The following SLC25A18 variants were observed in gnomAD, a reference collection of about 807,000 sequenced individuals.
SLC25A18 encodes the protein solute carrier family 25 member 18.
In SLC25A18, 24 loss-of-function variants were observed where a neutral mutation model predicts 31.1. That is an observed-to-expected ratio of 0.77 (90% confidence interval 0.56 to 1.08). The LOEUF (loss-of-function observed/expected upper bound fraction) is 1.08, where lower values mean the gene tolerates loss of function less well. Ranked by LOEUF, SLC25A18 falls within the 50% of genes least tolerant of loss-of-function variation. The pLI, the probability that SLC25A18 is intolerant of heterozygous loss-of-function variation, is 0.00. For synonymous variants in SLC25A18, 173 were observed against 161.9 expected (o/e 1.07, Z -0.52); for missense variants, 371 against 418.5 (o/e 0.89, Z 0.99).
intron 7 of SLC25A18, 131 bp downstream of exon 7, chr22:17,583,665 C>T: frequency 7.8e-7 from 1 of 1,281,850 alleles, no homozygotes; most frequent in Non-Finnish European, 1.1e-6. Context: ...AGTTTTTGGC[C>T]AGGCATGGTG....
At chr22:17,569,012 C>CTT (rs954487377) in intron 1 of SLC25A18, among the ~76,000 whole-genome samples, 13 of 142,958 alleles carry the variant, frequency 9.1e-5, no homozygotes, top group African/African-American at 2.5e-4. Context: ...CTCTTCTTTA[C>CTT]TTTTTTTTTT....
intron 2 of SLC25A18, among the ~76,000 whole-genome samples, chr22:17,574,241 A>C (rs1049941441): frequency 2.0e-5 from 3 of 152,364 alleles, no homozygotes; most frequent in South Asian, 2.1e-4. Flanking sequence ...CCCCTGAAAA[A>C]AAGAAGTATT....
intron 1 of SLC25A18, among the ~76,000 whole-genome samples, chr22:17,564,702 C>T (rs1446018977): frequency 6.6e-6 from 1 of 151,756 alleles, no homozygotes; most frequent in African/African-American, 2.4e-5. Context: ...ACTAAAAATA[C>T]AAAAAATTAG....
At position 17,590,159 on chromosome 22, in the gene SLC25A18, A is replaced by G. The variant is rs1412130997; in HGVS notation, c.871A>G (p.Ile291Val). 1 of 1,614,256 alleles carries G rather than the reference A, an allele frequency of 6.2e-7. No homozygotes were observed. Among genetic ancestry groups the G allele is most frequent in the Non-Finnish European group, 8.5e-7 (1 of 1,180,052 alleles). Residue 291 changes from isoleucine (I) to valine (V), a missense_variant, in exon 11 of 11, where the codon ATA (isoleucine) becomes GTA (valine). Ile to Val is a conservative substitution (Grantham distance 29). Transcript: ENST00000327451. ...MKGAGCRALV[I>V]APLFGIAQGV... ...AGGCGCTGGCTGCCGGGCACTGGTC[A>G]TAGCACCTCTCTTTGGGATTGCTCA...
At chr22:17,573,129 G>C (rs1436158048) in intron 2 of SLC25A18, among the ~76,000 whole-genome samples, 1 of 152,052 alleles carries the variant, frequency 6.6e-6, no homozygotes, top group Non-Finnish European at 1.5e-5. Flanking sequence ...TGTACCTTCT[G>C]GATTTTCTAC....
At chr22:17,578,947 G>A (rs2057300553) in intron 2 of SLC25A18, among the ~76,000 whole-genome samples, 1 of 152,160 alleles carries the variant, frequency 6.6e-6, no homozygotes, top group South Asian at 2.1e-4. Context: ...AATTGTTGTA[G>A]CTTCCACTTG....
intron 1 of SLC25A18, among the ~76,000 whole-genome samples, chr22:17,565,607 CCTGTAATA>C (rs2056916558): frequency 6.6e-6 from 1 of 151,836 alleles, no homozygotes; most frequent in African/African-American, 2.4e-5. Context: ...TTGGCTCACG[CCTGTAATA>C]CCAGCACTTT....
At chr22:17,566,029 T>G (rs182413377) in intron 1 of SLC25A18, among the ~76,000 whole-genome samples, 2 of 152,278 alleles carry the variant, frequency 1.3e-5, no homozygotes, top group Non-Finnish European at 2.9e-5. Flanking sequence ...CCATACTGTC[T>G]TCCACCATGG....
At chr22:17,580,913 C>A in intron 3 of SLC25A18, 124 bp from the exon 4 acceptor site, 1 of 1,442,692 alleles carries the variant, frequency 6.9e-7, no homozygotes, top group Non-Finnish European at 9.1e-7. Flanking sequence ...TGAAGAGGGT[C>A]TCTGGACACC....
chr22:17,587,439 G>T (rs1378373323), intron 8 of SLC25A18, 138 bp downstream of exon 8: 2 of 1,182,636 alleles, frequency 1.7e-6, no homozygotes, highest in South Asian at 1.6e-5. Flanking sequence ...CATGCTTCCT[G>T]TTTTGTCTGG....
intron 10 of SLC25A18, 51 bp downstream of exon 10, chr22:17,589,716 G>A (rs745429421): frequency 6.4e-7 from 1 of 1,566,136 alleles, no homozygotes; most frequent in African/African-American, 1.4e-5. Flanking sequence ...TCCTCTGCGT[G>A]GGTGTCTGCC....
rs755258782 is a variant in SLC25A18 at position 17,590,165 on chromosome 22, CCT to C, written c.882_883del (p.Phe295TrpfsTer20). 3.1e-6 allele frequency: 5 copies of C among 1,614,106 alleles called. No individual in the cohort carries two copies. The highest frequency in any genetic ancestry group is 3.4e-6 in the Non-Finnish European group (4 of 1,180,052). ...TGGCTGCCGGGCACTGGTCATAGCA[CCT>C]CTCTTTGGGATTGCTCAAGGGGTCT... ...GAGCRALVIAPLFGIAQGVYF... is the reference protein window; with the variant it reads ...GAGCRALVIAXLFGIAQGVYF... On this transcript the variant is annotated frameshift_variant, in exon 11 of 11. Coordinates refer to ENST00000327451, the MANE Select transcript of SLC25A18 (RefSeq NM_031481.3). LOFTEE classifies it high-confidence loss of function.
intron 8 of SLC25A18, 138 bp downstream of exon 8, chr22:17,587,439 GT>G: frequency 8.5e-7 from 1 of 1,182,636 alleles, no homozygotes; most frequent in Non-Finnish European, 1.2e-6. Context: ...CATGCTTCCT[GT>G]TTTGTCTGGA....
intron 5 of SLC25A18, chr22:17,581,682 G>A (rs538856967): frequency 1.5e-4 from 74 of 499,184 alleles, no homozygotes; most frequent in African/African-American, 1.3e-3. Context: ...CTGGCTAGAA[G>A]CGAAGAGAGA....
At chr22:17,575,890 C>T (rs2057218248) in intron 2 of SLC25A18, among the ~76,000 whole-genome samples, 1 of 152,222 alleles carries the variant, frequency 6.6e-6, no homozygotes, top group African/African-American at 2.4e-5. Context: ...GATGCTGCAT[C>T]CCAAGGCGGT....
At chr22:17,566,990 C>T (rs751946745) in intron 1 of SLC25A18, among the ~76,000 whole-genome samples, 2 of 152,118 alleles carry the variant, frequency 1.3e-5, no homozygotes, top group Non-Finnish European at 2.9e-5. Context: ...GGCAAAACCG[C>T]GTCTCTACAA....
At chr22:17,565,421 TGAAG>T (rs2056911441) in intron 1 of SLC25A18, among the ~76,000 whole-genome samples, 1 of 152,020 alleles carries the variant, frequency 6.6e-6, no homozygotes, top group Admixed American at 6.6e-5. Context: ...CTTGCCAAGT[TGAAG>T]TGCAGTGGTA....
Position 17,576,138 on chromosome 22 carries a change from G to C in SLC25A18, c.-200-3607G>C, listed in dbSNP as rs372973893. On this transcript the variant is annotated intron_variant, in intron 2 of 10. Coordinates refer to ENST00000327451, the MANE Select transcript of SLC25A18 (RefSeq NM_031481.3). ...GGAGGCTGAGGCGGGCAGATCAGGA[G>C]GTGAGGAGATGGAGACCATCTTGGC... 1.2e-4 allele frequency among the ~76,000 whole-genome samples: 18 copies of C among 152,282 alleles called. No homozygotes were observed. In the East Asian group the frequency reaches 3.3e-3, roughly 28 times the overall value.
At chr22:17,589,820 G>A (rs1233046992) in intron 10 of SLC25A18, among the ~76,000 whole-genome samples, 155 bp downstream of exon 10, 2 of 152,134 alleles carry the variant, frequency 1.3e-5, no homozygotes, top group African/African-American at 2.4e-5. Flanking sequence ...AGAATGTACT[G>A]GGAGCCTTTT....
Sources: allele counts gnomAD v4.1 joint callset (sites outside exome capture counted in the v4.1 genomes callset), GRCh38; gene constraint gnomAD v4.1.1; transcripts MANE v1.5; gene names NCBI Gene and HGNC (gene_info 2026-07-23, HGNC 2026-07-21).